Variants in CACNB2 observed in about 807,000 individuals in gnomAD.
The protein encoded by CACNB2 is voltage-dependent L-type calcium channel subunit beta-2.
In CACNB2, 42 loss-of-function variants were observed where a neutral mutation model predicts 73.3. The observed-to-expected ratio is 0.57, with a 90% CI of 0.45 to 0.74. CACNB2 has a LOEUF of 0.74. Among genes scored for constraint, CACNB2 ranks in the 30% least tolerant of loss-of-function variants. The pLI, the probability that CACNB2 is intolerant of heterozygous loss-of-function variation, is 0.00. For synonymous variants in CACNB2, 348 were observed against 310.3 expected, an observed-to-expected ratio of 1.12 and a Z score of -1.28; for missense variants, 940 against 853.0, an observed-to-expected ratio of 1.10 and a Z score of -1.27.
intron 2 of CACNB2, among the ~76,000 whole-genome samples, chr10:18,281,984 A>C (rs1439724548): frequency 1.3e-5 from 2 of 149,004 alleles, no homozygotes; most frequent in African/African-American, 2.5e-5. Flanking sequence ...CATCTCAAAA[A>C]AAAAAAAAAA....
rs529032415 is a variant in CACNB2, at chr10:18,487,823, A to G, written c.334-10532A>G. Reference sequence around the variant, plus strand: ...AATTGCACTCCAGCCTGGGCAACAGAGCAAGACTCCATCTCAAAAAAAAAA... The same window carrying G: ...AATTGCACTCCAGCCTGGGCAACAGGGCAAGACTCCATCTCAAAAAAAAAA... On this transcript the variant is annotated intron_variant, in intron 3 of 13. Coordinates refer to ENST00000324631, the MANE Select transcript of CACNB2 (RefSeq NM_201596.3). Among the ~76,000 whole-genome samples the G allele has an allele frequency of 2.3e-3, 311 of 135,254 alleles. 1 individual carries two copies. Among genetic ancestry groups the G allele is most frequent in the African/African-American group, 8.7e-3 (302 of 34,568 alleles). 88.7% of individuals were successfully genotyped at this position (135,254 alleles called of 152,430 possible).
chr10:18,140,637 G>A lies in CACNB2; in HGVS notation c.-100G>A, dbSNP rs373887444. 9 of 1,038,246 alleles carry A rather than the reference G, an allele frequency of 8.7e-6. No individual in the cohort carries two copies. The highest frequency in any genetic ancestry group is 2.6e-5 in the East Asian group (1 of 38,046). The allele number at this position is 1,038,246 out of a possible 1,614,324, so 64.3% of individuals were successfully genotyped here. ...GAGAACGGCCGGGCCTGAGCCCTGGGCGGCCCCCAGAGCCGATCAGAGCGC... is the reference window on the plus strand; with the variant it reads ...GAGAACGGCCGGGCCTGAGCCCTGGACGGCCCCCAGAGCCGATCAGAGCGC... On this transcript the variant is annotated 5_prime_UTR_variant, in exon 1 of 14. Transcript: ENST00000324631.
At chr10:18,462,474 A>G (rs1370253007) in intron 3 of CACNB2, among the ~76,000 whole-genome samples, 3 of 151,604 alleles carry the variant, frequency 2.0e-5, no homozygotes, top group African/African-American at 7.3e-5. Flanking sequence ...GGCTGGCCTC[A>G]TAATTCCTGG....
intron 2 of CACNB2, among the ~76,000 whole-genome samples, chr10:18,252,632 A>C (rs974578925): frequency 6.6e-6 from 1 of 152,196 alleles, no homozygotes. Flanking sequence ...AAGGTGAGGA[A>C]TAGATAGATA....
At chr10:18,217,812 G>T (rs1757218) in intron 2 of CACNB2, among the ~76,000 whole-genome samples, 2 of 151,588 alleles carry the variant, frequency 1.3e-5, no homozygotes, top group East Asian at 2.0e-4. Context: ...AGGAGAGGTG[G>T]GAAGGGGAAC....
At chr10:18,277,066 G>A (rs538871087) in intron 2 of CACNB2, among the ~76,000 whole-genome samples, 13 of 152,280 alleles carry the variant, frequency 8.5e-5, no homozygotes, top group South Asian at 6.2e-4. Flanking sequence ...GCAGTGAGCC[G>A]TGTTCGTGCC....
At chr10:18,469,452 C>G (rs1483256093) in intron 3 of CACNB2, among the ~76,000 whole-genome samples, 1 of 152,184 alleles carries the variant, frequency 6.6e-6, no homozygotes, top group Non-Finnish European at 1.5e-5. Context: ...ATGTTGTTGG[C>G]AAGCATGGCA....
chr10:18,245,697 C>T (rs894408690), intron 2 of CACNB2, among the ~76,000 whole-genome samples: 19 of 152,096 alleles, frequency 1.2e-4, no homozygotes, highest in East Asian at 7.7e-4. Context: ...GAGTTAGCCA[C>T]GTGATTACCT....
intron 2 of CACNB2, among the ~76,000 whole-genome samples, chr10:18,372,051 T>C (rs2042608908): frequency 6.6e-6 from 1 of 152,206 alleles, no homozygotes; most frequent in Non-Finnish European, 1.5e-5. Context: ...GATGGGGTTG[T>C]TTGTTTTTTT....
Position 18,536,275 on chromosome 10 carries a change from G to GTTTTTTTTTTTTTTTTTTTTTTTTT in CACNB2, c.1302+79_1302+80insTTTTTTTTTTTTTTTTTTTTTTTTT, listed in dbSNP as rs2053587888. 61 of 92,512 alleles carry GTTTTTTTTTTTTTTTTTTTTTTTTT rather than the reference G, an allele frequency of 6.6e-4. 14 individuals are homozygous for GTTTTTTTTTTTTTTTTTTTTTTTTT. Among genetic ancestry groups the GTTTTTTTTTTTTTTTTTTTTTTTTT allele is most frequent in the African/African-American group, 1.8e-3 (18 of 10,158 alleles). 5.7% of individuals were successfully genotyped at this position (92,512 alleles called of 1,614,324 possible). On this transcript the variant is annotated intron_variant, in intron 12 of 13. Coordinates refer to ENST00000324631, the MANE Select transcript of CACNB2 (RefSeq NM_201596.3). Reference sequence around the variant, plus strand: ...TTTTTTTTTTTTTTTTTTTTTTTTGGGGGACAAGGTCTTGCTCTGTTGCCC... The same window carrying GTTTTTTTTTTTTTTTTTTTTTTTTT: ...TTTTTTTTTTTTTTTTTTTTTTTTGGTTTTTTTTTTTTTTTTTTTTTTTTTGGGACAAGGTCTTGCTCTGTTGCCC...
chr10:18,441,951 T>C (rs951857359), intron 3 of CACNB2, among the ~76,000 whole-genome samples: 3 of 152,236 alleles, frequency 2.0e-5, no homozygotes, highest in African/African-American at 7.2e-5. Context: ...ACATGTGTGT[T>C]GTATACATAT....
intron 10 of CACNB2, among the ~76,000 whole-genome samples, chr10:18,530,654 C>T (rs974734079): frequency 1.7e-4 from 26 of 151,996 alleles, no homozygotes; most frequent in African/African-American, 5.6e-4. Context: ...ACTCAAAGTT[C>T]GGTTCCCACT....
Position 18,357,974 on chromosome 10 carries a change from C to A in CACNB2, c.214-43950C>A, listed in dbSNP as rs370754099. Reference sequence around the variant, plus strand: ...ATATTTGCCTCATCTACTATACAAGCCTCAACATCCAGCACATCATTGTCG... The same window carrying A: ...ATATTTGCCTCATCTACTATACAAGACTCAACATCCAGCACATCATTGTCG... On this transcript the variant is annotated intron_variant, in intron 2 of 13. Transcript: ENST00000324631. 1.2e-4 allele frequency among the ~76,000 whole-genome samples: 18 copies of A among 152,294 alleles called. No individual in the cohort carries two copies. The South Asian group carries it at 1.5e-3, about 12-fold the overall frequency.
chr10:18,520,057 A>T, intron 9 of CACNB2: 1 of 225,892 alleles, frequency 4.4e-6, no homozygotes, highest in Non-Finnish European at 8.7e-6. Flanking sequence ...GCTAAGCTCT[A>T]TGATGTCTTT....
chr10:18,310,172 T>G (rs2131881145), intron 2 of CACNB2, among the ~76,000 whole-genome samples: 1 of 152,342 alleles, frequency 6.6e-6, no homozygotes, highest in Non-Finnish European at 1.5e-5. Flanking sequence ...AACTCATTCT[T>G]TGAAATTCTA....
chr10:18,522,514 T>A (rs1294001588), intron 9 of CACNB2, among the ~76,000 whole-genome samples: 1 of 152,056 alleles, frequency 6.6e-6, no homozygotes, highest in Non-Finnish European at 1.5e-5. Flanking sequence ...CCATTTCTAA[T>A]TTATATTGAC....
At chr10:18,513,490 G>A (rs761747132) in intron 6 of CACNB2, 14 of 294,924 alleles carry the variant, frequency 4.7e-5, no homozygotes, top group Middle Eastern at 1.2e-3. Flanking sequence ...CAAGTCCCTC[G>A]TCTCCTTTGC....
At chr10:18,159,170 CAGCT>C (rs2032272785) in intron 2 of CACNB2, among the ~76,000 whole-genome samples, 2 of 152,040 alleles carry the variant, frequency 1.3e-5, no homozygotes, top group Non-Finnish European at 2.9e-5. Context: ...GGATGACTGC[CAGCT>C]TTGCTTTATT....
intron 2 of CACNB2, among the ~76,000 whole-genome samples, chr10:18,348,462 C>T (rs1277236210): frequency 2.6e-5 from 4 of 152,006 alleles, no homozygotes; most frequent in South Asian, 2.1e-4. Flanking sequence ...GATGGACGGA[C>T]GGATGGACAG....
Sources: gnomAD v4.1 joint callset for allele counts (sites outside exome capture counted in the v4.1 genomes callset) on GRCh38, gnomAD v4.1.1 for gene constraint, MANE v1.5 for transcripts, NCBI Gene and HGNC (gene_info 2026-07-23, HGNC 2026-07-21) for gene names.